CEP85: variants seen among roughly 807,000 people sequenced by gnomAD.
The protein encoded by CEP85 is centrosomal protein 85, also known as centrosomal protein of 85 kDa.
In CEP85, 58 loss-of-function variants were observed where a neutral mutation model predicts 93.7. The observed-to-expected ratio is 0.62, with a 90% CI of 0.50 to 0.77. CEP85 has a LOEUF of 0.77. Ranked by LOEUF, CEP85 falls within the 30% of genes least tolerant of loss-of-function variation. The probability of loss-of-function intolerance (pLI) is 0.00; values close to 1 mark genes in which losing one functional copy is unlikely to be tolerated. For synonymous variants in CEP85, 314 were observed against 338.6 expected (o/e 0.93, Z 0.80); for missense variants, 868 against 922.0 (o/e 0.94, Z 0.76).
At chr1:26,234,893 C>G (rs923941115) in intron 1 of CEP85, among the ~76,000 whole-genome samples, 5 of 152,196 alleles carry the variant, frequency 3.3e-5, no homozygotes, top group African/African-American at 1.2e-4. Context: ...TGTCTGGAAA[C>G]ACTTTTGATA....
At chr1:26,237,295 A>G (rs1213279353) in intron 1 of CEP85, among the ~76,000 whole-genome samples, 1 of 152,172 alleles carries the variant, frequency 6.6e-6, no homozygotes, top group African/African-American at 2.4e-5. Flanking sequence ...GTCAGTCACC[A>G]CTATCTAATC....
chr1:26,260,864 C>T (rs910123030), intron 7 of CEP85, among the ~76,000 whole-genome samples: 8 of 151,308 alleles, frequency 5.3e-5, no homozygotes, highest in South Asian at 4.2e-4. Context: ...AATCTCAGCT[C>T]ACTGCAACCT....
chr1:26,255,107 G>A (rs1233873346), intron 3 of CEP85, 64 bp from the exon 4 acceptor site: 1 of 1,312,562 alleles, frequency 7.6e-7, no homozygotes, highest in East Asian at 2.3e-5. Context: ...TTCTGGCATA[G>A]CATTCAAACT....
chr1:26,254,450 G>A (rs536568228), intron 3 of CEP85: 1 of 152,244 alleles, frequency 6.6e-6, no homozygotes, highest in South Asian at 2.1e-4. Context: ...ACACAGTTGG[G>A]TACACACAAG....
rs777185684 is a variant in CEP85 at position 26,271,101 on chromosome 1, C to T, written c.1737C>T (p.Leu579=). The T allele has an allele frequency of 3.7e-6, 6 of 1,606,296 alleles. No homozygotes were observed. The highest frequency in any genetic ancestry group is 5.1e-6 in the Non-Finnish European group (6 of 1,173,020). The change falls in exon 10 of 14, where the codon CTC becomes CTT. Residue 579 remains leucine (L), a synonymous_variant. Transcript: ENST00000451429. ...MESWQKRYDS[L]QKIVEKQQQK... is the part of the protein sequence containing the mutation. ...CCTGGCAGAAGCGATACGATTCGCT[C>T]CAAAAGGTGACTGAGGGTGTCCAGG... is the stretch of plus-strand genomic sequence containing the variant.
chr1:26,236,827 A>G (rs1005813628), intron 1 of CEP85, among the ~76,000 whole-genome samples: 3 of 151,838 alleles, frequency 2.0e-5, no homozygotes, highest in Non-Finnish European at 2.9e-5. Flanking sequence ...GGGTAAGACA[A>G]CTCTTAGTGG....
intron 7 of CEP85, among the ~76,000 whole-genome samples, chr1:26,260,803 T>TC (rs2089795540): frequency 6.6e-6 from 1 of 152,006 alleles, no homozygotes; most frequent in Admixed American, 6.6e-5. Flanking sequence ...TCTTTTTTTT[T>TC]TTTTTGAGAT....
intron 3 of CEP85, among the ~76,000 whole-genome samples, chr1:26,249,994 A>G (rs1021517687): frequency 4.6e-5 from 7 of 152,146 alleles, no homozygotes; most frequent in Non-Finnish European, 7.4e-5. Flanking sequence ...AATCCTCCTG[A>G]GTTAGACTAC....
intron 11 of CEP85, chr1:26,272,400 A>G: frequency 3.2e-6 from 1 of 309,124 alleles, no homozygotes; most frequent in Non-Finnish European, 6.1e-6. Flanking sequence ...GCTGGATAGG[A>G]TGTGTTGGAT....
chr1:26,275,609 C>T (rs1238101640), intron 12 of CEP85, among the ~76,000 whole-genome samples: 2 of 152,172 alleles, frequency 1.3e-5, no homozygotes, highest in Non-Finnish European at 2.9e-5. Context: ...GAAAGTCATT[C>T]TCTCTTCCTT....
rs2089928081 is a variant in CEP85, at chr1:26,268,651, T to C, written c.1494+16T>C. On this transcript the variant is annotated intron_variant, in intron 8 of 13. Transcript: ENST00000451429. ...GAGCCAGCAGGTAGCAGCAATGTCT[T>C]GGCATGCCTGGGGTGATCAGGGAGT... is the stretch of plus-strand genomic sequence containing the variant. 2.5e-6 allele frequency: 4 copies of C among 1,600,764 alleles called. No homozygotes were observed. Among genetic ancestry groups the C allele is most frequent in the South Asian group, 2.2e-5 (2 of 89,742 alleles).
At chr1:26,238,941 C>A (rs973442393) in intron 1 of CEP85, among the ~76,000 whole-genome samples, 4 of 152,152 alleles carry the variant, frequency 2.6e-5, no homozygotes, top group Admixed American at 6.5e-5. Context: ...AGCAAGAATT[C>A]TTTCCCATCT....
intron 7 of CEP85, among the ~76,000 whole-genome samples, chr1:26,265,423 A>G (rs1205165774): frequency 6.6e-6 from 1 of 152,092 alleles, no homozygotes; most frequent in African/African-American, 2.4e-5. Context: ...CCGGCCATAT[A>G]CATAGATTTT....
intron 7 of CEP85, among the ~76,000 whole-genome samples, chr1:26,262,581 A>G (rs2089828685): frequency 6.6e-6 from 1 of 152,180 alleles, no homozygotes; most frequent in African/African-American, 2.4e-5. Context: ...TAATGAAAAT[A>G]AAATCAAGAA....
chr1:26,278,629 C>T lies in CEP85; in HGVS notation c.*1336C>T, dbSNP rs1398903315. 4 of 152,622 alleles carry T rather than the reference C, an allele frequency of 2.6e-5. No homozygotes were observed. Among genetic ancestry groups the T allele is most frequent in the East Asian group, 1.9e-4 (1 of 5,196 alleles). 9.5% of individuals were successfully genotyped at this position (152,622 alleles called of 1,614,324 possible). On this transcript the variant is annotated 3_prime_UTR_variant, in exon 14 of 14. Coordinates refer to ENST00000451429, the MANE Select transcript of CEP85 (RefSeq NM_001319944.2). ...CAGCCAGCCCTTCAGCCTCTGGGCT[C>T]CTGCTGCTTAAAGGCAGAGCCGCCT...
At position 26,267,169 on chromosome 1, in the gene CEP85, G is replaced by C. The variant is rs79399641; in HGVS notation, c.1342-1314G>C. On this transcript the variant is annotated intron_variant, in intron 7 of 13. Transcript: ENST00000451429. ...CCGTATTTCTGACCAACTGGCTGCA[G>C]ATCTGTAGGCTTCTATGACCCCTTC... 2.9e-3 allele frequency among the ~76,000 whole-genome samples: 439 copies of C among 152,344 alleles called. 4 individuals carry two copies. The highest frequency in any genetic ancestry group is 0.01 in the African/African-American group (431 of 41,582).
chr1:26,259,209 T>C (rs2089768536), intron 6 of CEP85, among the ~76,000 whole-genome samples: 1 of 152,340 alleles, frequency 6.6e-6, no homozygotes, highest in African/African-American at 2.4e-5. Flanking sequence ...TGAGATCATA[T>C]AGAGAATGAG....
chr1:26,236,943 T>C lies in CEP85; in HGVS notation c.-23+2633T>C, dbSNP rs1174253457. ...TGTCTGGGTTAAGGTATCCTGGGGA[T>C]CAACATTTTATTGTACAGATGAAGC... On this transcript the variant is annotated intron_variant, in intron 1 of 13. Transcript: ENST00000451429. Among the ~76,000 whole-genome samples, 8 of 152,350 alleles carry C rather than the reference T, an allele frequency of 5.3e-5. No individual in the cohort carries two copies. The East Asian group carries it at 1.5e-3, about 29-fold the overall frequency.
chr1:26,239,924 C>A, intron 2 of CEP85, 86 bp downstream of exon 2: 2 of 1,001,730 alleles, frequency 2.0e-6, no homozygotes, highest in Non-Finnish European at 3.1e-6. Context: ...AACAAACAAG[C>A]ATTCACTGAA....
Sources: allele counts gnomAD v4.1 joint callset (sites outside exome capture counted in the v4.1 genomes callset), GRCh38; gene constraint gnomAD v4.1.1; transcripts MANE v1.5; gene names NCBI Gene and HGNC (gene_info 2026-07-23, HGNC 2026-07-21).